STEAP1B: variants seen among roughly 807,000 people sequenced by gnomAD.
The protein encoded by STEAP1B is STEAP family protein MGC87042.
STEAP1B carries 13 observed loss-of-function variants against 27.9 expected under a neutral mutation model. The ratio of observed to expected loss-of-function variants is 0.47; its 90% CI spans 0.30 to 0.74. The LOEUF (loss-of-function observed/expected upper bound fraction) is 0.74, where lower values mean the gene tolerates loss of function less well. Ranked by LOEUF, STEAP1B falls within the 30% of genes least tolerant of loss-of-function variation. The pLI is 0.06. For synonymous variants in STEAP1B, 86 were observed against 107.1 expected (o/e 0.80, Z 1.22); for missense variants, 250 against 298.7 (o/e 0.84, Z 1.20).
Position 22,494,875 on chromosome 7 carries a change from G to A in STEAP1B, c.-20C>T. The A allele has an allele frequency of 7.0e-7, 1 of 1,421,770 alleles. No homozygotes were observed. Among genetic ancestry groups the A allele is most frequent in the Non-Finnish European group, 9.6e-7 (1 of 1,043,194 alleles). The allele number at this position is 1,421,770 out of a possible 1,614,324, so 88.1% of individuals were successfully genotyped here. A position where few individuals can be genotyped will look rare whatever the true frequency, so the allele number is the denominator to read the frequency against. ...TTCCATTAATTCTATAAAATAGTATGGCTTCAGCCACCTGTAAAAATAAAA... is the reference window on the plus strand; with the variant it reads ...TTCCATTAATTCTATAAAATAGTATAGCTTCAGCCACCTGTAAAAATAAAA... On this transcript the variant is annotated 5_prime_UTR_variant, in exon 2 of 5. Coordinates refer to ENST00000678116, the MANE Select transcript of STEAP1B (RefSeq NM_001382447.1).
At position 22,492,862 on chromosome 7, in the gene STEAP1B, C is replaced by CT. The variant is rs4000922; in HGVS notation, c.598-134dup. On this transcript the variant is annotated intron_variant, in intron 3 of 4. Coordinates refer to ENST00000678116, the MANE Select transcript of STEAP1B (RefSeq NM_001382447.1). ...GGTCTCCACAAATTTATGACTTTTT[C>CT]TTTTTTTTTTGCATTCCTCTAAGAC... 5,987 of 1,248,872 alleles carry CT rather than the reference C, an allele frequency of 4.8e-3. 14 individuals are homozygous for CT. The highest frequency in any genetic ancestry group is 0.024 in the African/African-American group (1,512 of 63,558). 77.4% of individuals were successfully genotyped at this position (1,248,872 alleles called of 1,614,324 possible).
At position 22,493,768 on chromosome 7, in the gene STEAP1B, A is replaced by G; in HGVS notation, c.153T>C (p.His51=). ...CTGAAGGGCAGTCAAATTCATCAGCATGGGCTGTTTGCTGCAAATGCAAAA... is the reference window on the plus strand; with the variant it reads ...CTGAAGGGCAGTCAAATTCATCAGCGTGGGCTGTTTGCTGCAAATGCAAAA... ...PVLLHLQQTA[H]ADEFDCPSEL... Residue 51 remains histidine (H), a synonymous_variant, in exon 3 of 5, where the codon CAT becomes CAC. Coordinates refer to ENST00000678116, the MANE Select transcript of STEAP1B (RefSeq NM_001382447.1). 2 of 1,613,820 alleles carry G rather than the reference A, an allele frequency of 1.2e-6. No individual in the cohort carries two copies. Among genetic ancestry groups the G allele is most frequent in the Non-Finnish European group, 1.7e-6 (2 of 1,179,820 alleles).
intron 1 of STEAP1B, among the ~76,000 whole-genome samples, chr7:22,497,497 G>T (rs1002085960): frequency 6.6e-6 from 1 of 151,882 alleles, no homozygotes; most frequent in Admixed American, 6.6e-5. Context: ...GTGTGATTTG[G>T]GTGTTCACCA....
At chr7:22,453,830 T>C (rs1785529000) in intron 4 of STEAP1B, among the ~76,000 whole-genome samples, 1 of 152,238 alleles carries the variant, frequency 6.6e-6, no homozygotes, top group Non-Finnish European at 1.5e-5. Flanking sequence ...CTTTTGTATC[T>C]GGCTTCTTTC....
intron 4 of STEAP1B, among the ~76,000 whole-genome samples, chr7:22,465,881 T>C (rs10240927): frequency 0.6 from 91,653 of 151,914 alleles, 27,680 homozygotes; most frequent in African/African-American, 0.63. Context: ...AACACTCACC[T>C]CCTAATGGCC....
chr7:22,423,527 T>C (rs1441638217), intron 4 of STEAP1B, among the ~76,000 whole-genome samples: 1 of 152,210 alleles, frequency 6.6e-6, no homozygotes, highest in Non-Finnish European at 1.5e-5. Context: ...CCCTATATTG[T>C]GTGATTCCAT....
chr7:22,466,737 G>A (rs1785791105), intron 4 of STEAP1B, among the ~76,000 whole-genome samples: 1 of 152,192 alleles, frequency 6.6e-6, no homozygotes, highest in Non-Finnish European at 1.5e-5. Flanking sequence ...ATGATTGAGA[G>A]CTACATTTCC....
chr7:22,478,547 A>C (rs1325070891), intron 4 of STEAP1B, among the ~76,000 whole-genome samples: 1 of 152,246 alleles, frequency 6.6e-6, no homozygotes, highest in African/African-American at 2.4e-5. Flanking sequence ...AATCAGAGAA[A>C]ACCTCAACTT....
At chr7:22,461,598 G>C (rs941231630) in intron 4 of STEAP1B, among the ~76,000 whole-genome samples, 1 of 152,142 alleles carries the variant, frequency 6.6e-6, no homozygotes, top group Non-Finnish European at 1.5e-5. Context: ...CTGCTCCAGC[G>C]TTTGACTGAC....
intron 4 of STEAP1B, among the ~76,000 whole-genome samples, chr7:22,435,332 A>G (rs1369899219): frequency 6.6e-6 from 1 of 152,114 alleles, no homozygotes; most frequent in Non-Finnish European, 1.5e-5. Flanking sequence ...CAGCTCAAAC[A>G]GAAGCACCAG....
At chr7:22,464,948 C>CGTATATATATATATATATATATATATAT (rs1554286205) in intron 4 of STEAP1B, among the ~76,000 whole-genome samples, 1 of 45,012 alleles carries the variant, frequency 2.2e-5, no homozygotes, top group African/African-American at 5.6e-5. Flanking sequence ...TACCAAACCC[C>CGTATATATATATATATATATATATATAT]ATATATATAT....
intron 4 of STEAP1B, among the ~76,000 whole-genome samples, chr7:22,439,869 T>C (rs1463388516): frequency 6.6e-6 from 1 of 152,108 alleles, no homozygotes; most frequent in African/African-American, 2.4e-5. Context: ...AAAACACCAG[T>C]ATCAATCAAA....
intron 4 of STEAP1B, among the ~76,000 whole-genome samples, chr7:22,450,737 G>A (rs983012558): frequency 6.6e-6 from 1 of 152,042 alleles, no homozygotes. Flanking sequence ...ACTGCTTTGG[G>A]TAGTATGGAC....
At position 22,434,736 on chromosome 7, in the gene STEAP1B, T is replaced by C. The variant is rs1008351304; in HGVS notation, c.763-14900A>G. 6.6e-5 allele frequency among the ~76,000 whole-genome samples: 10 copies of C among 152,366 alleles called. No homozygotes were observed. The South Asian group carries it at 1.7e-3, about 25-fold the overall frequency. ...GAGCACATAGATTTGTTAGAAGTCA[T>C]AGATACTTAAACAAATGATTATATA... On this transcript the variant is annotated intron_variant, in intron 4 of 4. Transcript: ENST00000678116.
intron 4 of STEAP1B, among the ~76,000 whole-genome samples, chr7:22,428,414 G>C (rs931231285): frequency 9.9e-5 from 15 of 152,068 alleles, no homozygotes; most frequent in Non-Finnish European, 1.5e-4. Flanking sequence ...TTCTCACAAA[G>C]AAAGCATCAG....
At chr7:22,456,970 ATATTTT>A (rs1247368938) in intron 4 of STEAP1B, among the ~76,000 whole-genome samples, 337 of 26,186 alleles carry the variant, frequency 0.013, 42 homozygotes, top group African/African-American at 0.02. Flanking sequence ...ATATATATAT[ATATTTT>A]TTTTTTTTTT....
chr7:22,456,972 A>ATATATATATTTTTTTTTTTT, intron 4 of STEAP1B, among the ~76,000 whole-genome samples: 2 of 57,046 alleles, frequency 3.5e-5, no homozygotes, highest in African/African-American at 1.4e-4. Context: ...ATATATATAT[A>ATATATATATTTTTTTTTTTT]TTTTTTTTTT....
chr7:22,438,176 C>A (rs574021690), intron 4 of STEAP1B, among the ~76,000 whole-genome samples: 67 of 152,288 alleles, frequency 4.4e-4, no homozygotes, highest in African/African-American at 1.5e-3. Context: ...GAAACTCCCC[C>A]ACGTTTTCTT....
chr7:22,452,252 G>C (rs1297817732), intron 4 of STEAP1B, among the ~76,000 whole-genome samples: 6 of 152,204 alleles, frequency 3.9e-5, no homozygotes, highest in African/African-American at 1.4e-4. Context: ...CAGGCTGCCA[G>C]AGGGTGCTCG....
Sources: allele counts gnomAD v4.1 joint callset (sites outside exome capture counted in the v4.1 genomes callset), GRCh38; gene constraint gnomAD v4.1.1; transcripts MANE v1.5; gene names NCBI Gene and HGNC (gene_info 2026-07-23, HGNC 2026-07-21).